The following AK9 variants were observed in gnomAD, a reference collection of about 807,000 sequenced individuals.
The protein encoded by AK9 is adenylate kinase 9.
A neutral mutation model predicts 239.6 loss-of-function variants in AK9; 191 were observed. That is an observed-to-expected ratio of 0.80 (90% confidence interval 0.71 to 0.90). AK9 has a LOEUF of 0.90. Among genes scored for constraint, AK9 ranks in the 40% least tolerant of loss-of-function variants. AK9 has a pLI of 0.00. For synonymous variants in AK9, 689 were observed against 721.0 expected (o/e 0.96, Z 0.71); for missense variants, 1,995 against 2,214.7 (o/e 0.90, Z 1.99).
intron 27 of AK9, among the ~76,000 whole-genome samples, chr6:109,538,702 A>C (rs562492714): frequency 6.6e-6 from 1 of 151,766 alleles, no homozygotes; most frequent in South Asian, 2.1e-4. Context: ...TCCTAGCATC[A>C]ATGATCTTTA....
At chr6:109,601,955 A>G (rs4501459) in intron 17 of AK9, among the ~76,000 whole-genome samples, 14 of 151,940 alleles carry the variant, frequency 9.2e-5, no homozygotes, top group Non-Finnish European at 1.0e-4. Context: ...CCTTTATTTT[A>G]AGCTTATGTG....
At chr6:109,686,529 G>C (rs1242473434) in intron 1 of AK9, among the ~76,000 whole-genome samples, 1 of 152,194 alleles carries the variant, frequency 6.6e-6, no homozygotes, top group Non-Finnish European at 1.5e-5. Flanking sequence ...CAGCAAGAAA[G>C]AGCTCTGTAG....
Position 109,633,056 on chromosome 6 carries a change from G to A in AK9, c.1121C>T (p.Pro374Leu). 1.9e-6 allele frequency: 3 copies of A among 1,558,680 alleles called. No homozygotes were observed. The highest frequency in any genetic ancestry group is 2.6e-6 in the Non-Finnish European group (3 of 1,160,772). ...ATAGGGACGTGGGTTCAACAAAAAT[G>A]GTTTTAATGCTTCTTCTGATGAAAG... The part of the protein sequence containing the change: ...YCLSSEEALK[P>L]FLLNPRPYLL... The change falls in exon 12 of 41, where the codon CCA becomes CTA. Residue 374 changes from proline (P) to leucine (L), a missense_variant. Coordinates refer to ENST00000424296, the MANE Select transcript of AK9 (RefSeq NM_001145128.3).
rs2128293268 is a variant in AK9, at chr6:109,645,486, G to A, written c.760-798C>T. On this transcript the variant is annotated intron_variant, in intron 8 of 40. Transcript: ENST00000424296. ...ACAGCAGTCCAAGATCCAACTGCGAGGCAGCAGCCAGGCTGGGCGAGGGGC... is the reference window on the plus strand; with the variant it reads ...ACAGCAGTCCAAGATCCAACTGCGAAGCAGCAGCCAGGCTGGGCGAGGGGC... Among the ~76,000 whole-genome samples the A allele has an allele frequency of 2.0e-5, 3 of 152,350 alleles. No homozygotes were observed. In the South Asian group the frequency reaches 6.2e-4, roughly 32 times the overall value.
chr6:109,494,915 T>C (rs530637892), intron 39 of AK9, among the ~76,000 whole-genome samples: 2 of 152,370 alleles, frequency 1.3e-5, no homozygotes, highest in Admixed American at 1.3e-4. Context: ...TGACTTTATC[T>C]GGATGTGGGG....
intron 10 of AK9, 25 bp downstream of exon 10, chr6:109,641,493 T>C: frequency 6.3e-7 from 1 of 1,581,586 alleles, no homozygotes; most frequent in Non-Finnish European, 8.7e-7. Flanking sequence ...AAAATTAGAC[T>C]TTCAGACAGT....
intron 2 of AK9, 120 bp downstream of exon 2, chr6:109,675,509 A>C: frequency 3.3e-6 from 2 of 607,282 alleles, no homozygotes; most frequent in Non-Finnish European, 5.4e-6. Flanking sequence ...CATATAATAA[A>C]AGCTTATCAG....
chr6:109,686,240 T>C (rs1194578731), intron 1 of AK9, among the ~76,000 whole-genome samples: 1 of 152,160 alleles, frequency 6.6e-6, no homozygotes, highest in Non-Finnish European at 1.5e-5. Flanking sequence ...CGGATCCCCT[T>C]ATAAAGACAC....
Position 109,624,604 on chromosome 6 carries a change from CCA to C in AK9, c.1255-5370_1255-5369del, listed in dbSNP as rs1253806503. Among the ~76,000 whole-genome samples, 6 of 152,296 alleles carry C rather than the reference CCA, an allele frequency of 3.9e-5. No individual in the cohort carries two copies. In the East Asian group the frequency reaches 9.7e-4, roughly 25 times the overall value. ...TTTCCATGGGACCTAGTTTTCCTCT[CCA>C]GAGTCTTCTAGGCTCATTTTACAGA... On this transcript the variant is annotated intron_variant, in intron 12 of 40. Coordinates refer to ENST00000424296, the MANE Select transcript of AK9 (RefSeq NM_001145128.3).
intron 3 of AK9, among the ~76,000 whole-genome samples, chr6:109,672,909 C>T (rs1771149967): frequency 6.6e-6 from 1 of 152,078 alleles, no homozygotes; most frequent in South Asian, 2.1e-4. Flanking sequence ...CCAAAGCCTG[C>T]TAGTTTTGCA....
intron 17 of AK9, among the ~76,000 whole-genome samples, chr6:109,593,985 A>G (rs1346395649): frequency 6.6e-6 from 1 of 152,218 alleles, no homozygotes; most frequent in Non-Finnish European, 1.5e-5. Context: ...CACCACTCCT[A>G]TTCAACATAG....
At chr6:109,593,223 A>G (rs1191570676) in intron 17 of AK9, among the ~76,000 whole-genome samples, 1 of 152,002 alleles carries the variant, frequency 6.6e-6, no homozygotes, top group Non-Finnish European at 1.5e-5. Flanking sequence ...AATCTATCTC[A>G]TCTTTCATAT....
At chr6:109,607,484 G>C (rs997532896) in intron 17 of AK9, among the ~76,000 whole-genome samples, 1 of 152,072 alleles carries the variant, frequency 6.6e-6, no homozygotes, top group South Asian at 2.1e-4. Context: ...ATTGTATTAG[G>C]CATTATAAGT....
chr6:109,638,986 CT>C (rs1425146961), intron 10 of AK9, among the ~76,000 whole-genome samples: 1 of 152,154 alleles, frequency 6.6e-6, no homozygotes, highest in East Asian at 1.9e-4. Context: ...TGAACTCATC[CT>C]TTTTTATGGC....
Position 109,675,665 on chromosome 6 carries a change from C to T in AK9, c.81G>A (p.Leu27=), listed in dbSNP as rs1562598148. The T allele has an allele frequency of 6.3e-7, 1 of 1,592,834 alleles. No homozygotes were observed. Among genetic ancestry groups the T allele is most frequent in the Admixed American group, 1.8e-5 (1 of 56,708 alleles). The change falls in exon 2 of 41, where the codon TTG becomes TTA. Residue 27 remains leucine, a synonymous_variant. Coordinates refer to ENST00000424296, the MANE Select transcript of AK9 (RefSeq NM_001145128.3). ...DEDETERNFL[L]SKPVCFVVFG... is the part of the protein sequence containing the mutation. ...ATACAACAAAGCAAACAGGTTTGGA[C>T]AACAAAAAATTCCTTTCAGTTTCAT...
At chr6:109,548,373 G>A (rs1783878944) in intron 25 of AK9, among the ~76,000 whole-genome samples, 1 of 152,132 alleles carries the variant, frequency 6.6e-6, no homozygotes, top group Admixed American at 6.5e-5. Context: ...TGCTAAAATT[G>A]AAGTAGGAAT....
At chr6:109,591,208 G>A (rs1370101110) in intron 17 of AK9, among the ~76,000 whole-genome samples, 6 of 151,964 alleles carry the variant, frequency 3.9e-5, no homozygotes, top group Non-Finnish European at 8.8e-5. Flanking sequence ...TGTGGTATTC[G>A]ATGCATATAT....
intron 27 of AK9, among the ~76,000 whole-genome samples, chr6:109,541,043 C>T (rs1782814051): frequency 6.6e-6 from 1 of 152,212 alleles, no homozygotes; most frequent in Admixed American, 6.5e-5. Context: ...CTCCCTCTTC[C>T]TTCTTACATT....
chr6:109,547,260 G>A (rs765298270), intron 25 of AK9, among the ~76,000 whole-genome samples: 27 of 152,208 alleles, frequency 1.8e-4, no homozygotes, highest in Non-Finnish European at 3.4e-4. Context: ...TGTGTTCCAT[G>A]TGTTCATTTT....
Sources: allele counts gnomAD v4.1 joint callset (sites outside exome capture counted in the v4.1 genomes callset), GRCh38; gene constraint gnomAD v4.1.1; transcripts MANE v1.5; gene names NCBI Gene and HGNC (gene_info 2026-07-23, HGNC 2026-07-21).